The following TEX11 variants were observed in gnomAD, a reference collection of about 807,000 sequenced individuals.
TEX11 encodes the protein testis expressed 11, also known as testis-expressed protein 11.
In TEX11, 7 loss-of-function variants were observed where a neutral mutation model predicts 84.4. The ratio of observed to expected loss-of-function variants is 0.08; its 90% CI spans 0.05 to 0.16. The LOEUF (loss-of-function observed/expected upper bound fraction) is 0.16. Among genes scored for constraint, TEX11 ranks in the 10% least tolerant of loss-of-function variants. The pLI is 1.00. For synonymous variants in TEX11, 264 were observed against 222.8 expected, an observed-to-expected ratio of 1.18 and a Z score of -1.64; for missense variants, 551 against 660.5, an observed-to-expected ratio of 0.83 and a Z score of 1.82.
chrX:70,639,736 C>T (rs1003177703), intron 17 of TEX11, among the ~76,000 whole-genome samples: 3 of 111,677 alleles, frequency 2.7e-5, no homozygotes, highest in Middle Eastern at 4.2e-3. Flanking sequence ...AACTAACAAA[C>T]AGAAAGGACA....
At chrX:70,649,724 A>C (rs898202148) in intron 17 of TEX11, among the ~76,000 whole-genome samples, 2 of 111,559 alleles carry the variant, frequency 1.8e-5, no homozygotes, top group African/African-American at 6.5e-5. Context: ...CAGTGAGCTG[A>C]GATCATGCCA....
the TEX11 span, among the ~76,000 whole-genome samples, chrX:70,516,836 C>T: frequency 9.0e-6 from 1 of 111,089 alleles, no homozygotes; most frequent in African/African-American, 3.3e-5. Context: ...AGTTCCTTCA[C>T]ATCCCTTGTA....
At chrX:70,777,320 T>A (rs771231976) in intron 9 of TEX11, among the ~76,000 whole-genome samples, 1 of 112,077 alleles carries the variant, frequency 8.9e-6, no homozygotes, top group South Asian at 3.7e-4. Flanking sequence ...ATGTGGAGCT[T>A]TTTATGTGAT....
intron 11 of TEX11, among the ~76,000 whole-genome samples, chrX:70,736,548 A>G (rs1339876320): frequency 2.7e-5 from 3 of 110,861 alleles, no homozygotes; most frequent in East Asian, 2.8e-4. Context: ...GGCAAAAAAA[A>G]AAAAAAAGTT....
intron 7 of TEX11, among the ~76,000 whole-genome samples, chrX:70,848,420 A>G (rs753872171): frequency 4.9e-4 from 55 of 111,489 alleles, no homozygotes; most frequent in Non-Finnish European, 9.6e-4. Context: ...TTCTTCCTTC[A>G]AAGTTCAAAT....
intron 4 of TEX11, among the ~76,000 whole-genome samples, chrX:70,869,609 C>A (rs1315826813): frequency 9.0e-6 from 1 of 111,499 alleles, no homozygotes; most frequent in East Asian, 2.8e-4. Context: ...AAACCTGTAT[C>A]TACAAAAAAT....
At chrX:70,840,361 C>T (rs1292522969) in intron 7 of TEX11, among the ~76,000 whole-genome samples, 1 of 111,552 alleles carries the variant, frequency 9.0e-6, no homozygotes, top group South Asian at 3.8e-4. Flanking sequence ...AACCCACAAT[C>T]TCATATCCAG....
At chrX:70,799,887 G>A (rs1305865331) in intron 9 of TEX11, among the ~76,000 whole-genome samples, 1 of 111,521 alleles carries the variant, frequency 9.0e-6, no homozygotes, top group Admixed American at 9.5e-5. Context: ...GCTATTATTT[G>A]TACTATTAAT....
chrX:70,570,388 G>A (rs2088576003), intron 25 of TEX11, among the ~76,000 whole-genome samples: 1 of 112,052 alleles, frequency 8.9e-6, no homozygotes, highest in Non-Finnish European at 1.9e-5. Context: ...CCCTGCTTCA[G>A]CTCACTCACG....
intron 10 of TEX11, among the ~76,000 whole-genome samples, chrX:70,743,423 A>G (rs1430531300): frequency 8.9e-6 from 1 of 112,214 alleles, no homozygotes; most frequent in African/African-American, 3.2e-5. Flanking sequence ...TGGATATTCA[A>G]AAGATTCCAT....
intron 7 of TEX11, among the ~76,000 whole-genome samples, chrX:70,846,668 A>G (rs1242879019): frequency 8.9e-6 from 1 of 111,890 alleles, no homozygotes; most frequent in Non-Finnish European, 1.9e-5. Flanking sequence ...TCACGCCTGT[A>G]ATCCCAGCAG....
intron 11 of TEX11, among the ~76,000 whole-genome samples, chrX:70,733,352 A>G (rs2090669691): frequency 9.0e-6 from 1 of 111,537 alleles, no homozygotes; most frequent in Admixed American, 9.6e-5. Flanking sequence ...AACTATCATG[A>G]GGGTGAACAG....
chrX:70,587,554 C>T (rs2088869818), intron 25 of TEX11, among the ~76,000 whole-genome samples: 1 of 112,646 alleles, frequency 8.9e-6, no homozygotes, highest in African/African-American at 3.2e-5. Flanking sequence ...GAACTTCTAC[C>T]TAGATTTCAG....
At chrX:70,813,209 G>A (rs1403875492) in intron 8 of TEX11, among the ~76,000 whole-genome samples, 1 of 111,702 alleles carries the variant, frequency 9.0e-6, no homozygotes, top group Non-Finnish European at 1.9e-5. Context: ...ATAAAATACT[G>A]GCAAACCAAA....
intron 9 of TEX11, among the ~76,000 whole-genome samples, chrX:70,805,464 G>A (rs1226861117): frequency 9.3e-6 from 1 of 107,355 alleles, no homozygotes; most frequent in Non-Finnish European, 1.9e-5. Context: ...GCAGCGGTGC[G>A]ATATCGGCTC....
At chrX:70,768,412 C>T (rs937544565) in intron 9 of TEX11, among the ~76,000 whole-genome samples, 3 of 111,539 alleles carry the variant, frequency 2.7e-5, no homozygotes, top group Admixed American at 9.6e-5. Flanking sequence ...ACATCGGTAG[C>T]GCACTTGAAT....
At chrX:70,519,038 C>G in the TEX11 span, among the ~76,000 whole-genome samples, 1 of 111,734 alleles carries the variant, frequency 8.9e-6, no homozygotes, top group Admixed American at 9.6e-5. Context: ...CTGAATATAG[C>G]ACACTGATGG....
At chrX:70,658,714 C>T (rs1369207257) in intron 16 of TEX11, among the ~76,000 whole-genome samples, 3 of 110,205 alleles carry the variant, frequency 2.7e-5, no homozygotes, top group African/African-American at 9.9e-5. Flanking sequence ...CAATGTAATC[C>T]CTATGACAAT....
chrX:70,781,945 C>A (rs182751111), intron 9 of TEX11, among the ~76,000 whole-genome samples: 1 of 111,179 alleles, frequency 9.0e-6, no homozygotes, highest in African/African-American at 3.3e-5. Context: ...GGTGAACATT[C>A]AAATTCAGGG....
Sources: gnomAD v4.1 joint callset for allele counts (sites outside exome capture counted in the v4.1 genomes callset) on GRCh38, gnomAD v4.1.1 for gene constraint, MANE v1.5 for transcripts, NCBI Gene and HGNC (gene_info 2026-07-23, HGNC 2026-07-21) for gene names.